Variants in CCDC178 observed in about 807,000 individuals in gnomAD.
The protein encoded by CCDC178 is coiled-coil domain containing 178.
In CCDC178, 126 loss-of-function variants were observed where a neutral mutation model predicts 117.4. That is an observed-to-expected ratio of 1.07 (90% CI 0.93 to 1.24). CCDC178 has a LOEUF of 1.24. CCDC178 is among the 50% of genes most tolerant of loss of function. CCDC178 has a pLI of 0.00. For synonymous variants in CCDC178, 283 were observed against 313.4 expected (o/e 0.90, Z 1.02); for missense variants, 1,030 against 986.9 (o/e 1.04, Z -0.59).
At chr18:33,128,268 A>T (rs2058031592) in intron 20 of CCDC178, among the ~76,000 whole-genome samples, 1 of 152,216 alleles carries the variant, frequency 6.6e-6, no homozygotes, top group Admixed American at 6.5e-5. Context: ...TTAAAATGGT[A>T]AAGTCATATG....
chr18:33,416,199 G>A (rs995476672), intron 2 of CCDC178, among the ~76,000 whole-genome samples: 1 of 152,144 alleles, frequency 6.6e-6, no homozygotes, highest in African/African-American at 2.4e-5. Context: ...AGGCCGAGGC[G>A]GGTGGATCAT....
intron 5 of CCDC178, among the ~76,000 whole-genome samples, chr18:33,371,007 G>A (rs147269669): frequency 2.0e-5 from 3 of 151,912 alleles, no homozygotes; most frequent in Non-Finnish European, 2.9e-5. Flanking sequence ...TATGCTCAGC[G>A]CCTCAATGAG....
chr18:32,985,086 CAATA>C, intron 21 of CCDC178, among the ~76,000 whole-genome samples: 1 of 151,904 alleles, frequency 6.6e-6, no homozygotes, highest in Admixed American at 6.6e-5. Context: ...AATTAATTCA[CAATA>C]AAAACATTAT....
At chr18:33,064,989 A>G (rs551064057) in intron 21 of CCDC178, among the ~76,000 whole-genome samples, 1 of 152,088 alleles carries the variant, frequency 6.6e-6, no homozygotes, top group East Asian at 1.9e-4. Context: ...ATACACAGAA[A>G]GACAAATGCT....
chr18:33,137,970 T>C (rs2058149911), intron 20 of CCDC178, among the ~76,000 whole-genome samples: 1 of 152,234 alleles, frequency 6.6e-6, no homozygotes, highest in Non-Finnish European at 1.5e-5. Flanking sequence ...ATATATTCTT[T>C]AGCCATTTAT....
chr18:33,075,694 C>T (rs764293843), intron 21 of CCDC178, among the ~76,000 whole-genome samples: 83 of 152,204 alleles, frequency 5.5e-4, no homozygotes, highest in Middle Eastern at 3.4e-3. Flanking sequence ...TGGCCAGGCA[C>T]GGTGTGGCTC....
At chr18:33,100,798 C>T (rs1253383664) in intron 20 of CCDC178, among the ~76,000 whole-genome samples, 1 of 151,976 alleles carries the variant, frequency 6.6e-6, no homozygotes. Context: ...GAAAACCTTA[C>T]ACAAATGCCA....
At chr18:33,318,556 A>T (rs1321349156) in intron 11 of CCDC178, among the ~76,000 whole-genome samples, 1 of 152,228 alleles carries the variant, frequency 6.6e-6, no homozygotes, top group Admixed American at 6.5e-5. Context: ...AAGAAAATCT[A>T]ATATATGTTT....
intron 21 of CCDC178, among the ~76,000 whole-genome samples, chr18:33,059,812 A>G (rs903846811): frequency 7.2e-5 from 11 of 152,084 alleles, no homozygotes; most frequent in Admixed American, 4.6e-4. Flanking sequence ...TAAAACATAA[A>G]CTTGGTCATG....
intron 20 of CCDC178, among the ~76,000 whole-genome samples, chr18:33,167,541 TG>T (rs1184712845): frequency 6.6e-6 from 1 of 152,118 alleles, no homozygotes; most frequent in Non-Finnish European, 1.5e-5. Flanking sequence ...TTCATATGCT[TG>T]TTGGCCACAT....
At chr18:33,099,879 T>C (rs902645565) in intron 20 of CCDC178, among the ~76,000 whole-genome samples, 6 of 152,052 alleles carry the variant, frequency 3.9e-5, no homozygotes, top group African/African-American at 7.2e-5. Flanking sequence ...GCGAGTTCTC[T>C]GATAATTAGT....
chr18:32,962,509 TA>T (rs1397996679), intron 22 of CCDC178, among the ~76,000 whole-genome samples: 8 of 152,152 alleles, frequency 5.3e-5, no homozygotes, highest in African/African-American at 1.7e-4. Context: ...TTTTGAAAGA[TA>T]TTTTTTCTGG....
At chr18:33,424,896 A>G (rs2064097530) in intron 2 of CCDC178, among the ~76,000 whole-genome samples, 1 of 151,830 alleles carries the variant, frequency 6.6e-6, no homozygotes, top group South Asian at 2.1e-4. Context: ...CTGCCCATCC[A>G]CTCACTCCCC....
At chr18:33,084,136 T>C (rs1350859064) in intron 21 of CCDC178, among the ~76,000 whole-genome samples, 2 of 142,320 alleles carry the variant, frequency 1.4e-5, no homozygotes, top group Non-Finnish European at 3.0e-5. Context: ...TGTTACAACA[T>C]GTTCTTGTAG....
chr18:32,940,914 C>A (rs764591319), intron 22 of CCDC178, among the ~76,000 whole-genome samples: 1 of 151,886 alleles, frequency 6.6e-6, no homozygotes, highest in Admixed American at 6.6e-5. Flanking sequence ...GTGTTAAGAA[C>A]GTTCTTGAGG....
At chr18:33,420,924 A>G (rs2064016021) in intron 2 of CCDC178, among the ~76,000 whole-genome samples, 1 of 152,240 alleles carries the variant, frequency 6.6e-6, no homozygotes, top group Admixed American at 6.5e-5. Flanking sequence ...AGAATATATC[A>G]CAATGGAACT....
At chr18:33,355,464 T>C (rs1646922683) in intron 7 of CCDC178, among the ~76,000 whole-genome samples, 1 of 152,246 alleles carries the variant, frequency 6.6e-6, no homozygotes, top group South Asian at 2.1e-4. Context: ...CTTCGAGGCT[T>C]ACCCAGGCTG....
intron 20 of CCDC178, among the ~76,000 whole-genome samples, chr18:33,135,576 G>T (rs1275000512): frequency 2.0e-5 from 3 of 152,144 alleles, no homozygotes; most frequent in Non-Finnish European, 4.4e-5. Context: ...GTCACAAAGT[G>T]ATAACCACCT....
chr18:33,049,282 G>T (rs2056701254), intron 21 of CCDC178, among the ~76,000 whole-genome samples: 7 of 152,108 alleles, frequency 4.6e-5, no homozygotes, highest in Admixed American at 3.3e-4. Flanking sequence ...TTATAAAGAT[G>T]TTAATAAATC....
Sources: allele counts gnomAD v4.1 joint callset (sites outside exome capture counted in the v4.1 genomes callset), GRCh38; gene constraint gnomAD v4.1.1; transcripts MANE v1.5; gene names NCBI Gene and HGNC (gene_info 2026-07-23, HGNC 2026-07-21).